The following ZNF678 variants were observed in gnomAD, a reference collection of about 807,000 sequenced individuals.
ZNF678 encodes the protein zinc finger protein 678.
ZNF678 carries 5 observed loss-of-function variants against 3.0 expected under a neutral mutation model. That is an observed-to-expected ratio of 1.69 (90% CI 0.88 to 3.56). The LOEUF (loss-of-function observed/expected upper bound fraction) is 3.56. Ranked by LOEUF, ZNF678 falls within the 30% of genes most tolerant of loss-of-function variation. ZNF678 has a pLI of 0.00. For synonymous variants in ZNF678, 218 were observed against 199.6 expected (o/e 1.09, Z -0.78); for missense variants, 593 against 605.0 (o/e 0.98, Z 0.21).
chr1:227,625,591 C>T (rs1404482422), intron 1 of ZNF678, among the ~76,000 whole-genome samples: 1 of 152,092 alleles, frequency 6.6e-6, no homozygotes, highest in Non-Finnish European at 1.5e-5. Context: ...GCCTGAAGTG[C>T]AGGGGGATGT....
At chr1:227,651,626 A>G (rs1659094844) in intron 3 of ZNF678, among the ~76,000 whole-genome samples, 1 of 152,208 alleles carries the variant, frequency 6.6e-6, no homozygotes, top group Admixed American at 6.5e-5. Context: ...TGTAGCCAAG[A>G]CCAGCGTCCT....
downstream of ZNF678, among the ~76,000 whole-genome samples, chr1:227,664,959 C>T (rs1007707763): frequency 6.6e-6 from 1 of 152,172 alleles, no homozygotes; most frequent in African/African-American, 2.4e-5. Flanking sequence ...TGTGGTGACA[C>T]AGCTGGATCA....
intron 1 of ZNF678, among the ~76,000 whole-genome samples, chr1:227,584,531 T>A (rs1657209924): frequency 6.6e-6 from 1 of 152,254 alleles, no homozygotes; most frequent in Non-Finnish European, 1.5e-5. Flanking sequence ...GAACACTATT[T>A]ACAAATTACA....
intron 1 of ZNF678, among the ~76,000 whole-genome samples, chr1:227,613,704 G>A (rs900587916): frequency 6.6e-6 from 1 of 152,028 alleles, no homozygotes; most frequent in Non-Finnish European, 1.5e-5. Context: ...TCTCATTCAG[G>A]GCCTCATCTT....
chr1:227,602,000 A>G (rs1195546594), intron 1 of ZNF678, among the ~76,000 whole-genome samples: 2 of 152,234 alleles, frequency 1.3e-5, no homozygotes, highest in Non-Finnish European at 2.9e-5. Flanking sequence ...ATATAGAATC[A>G]TATCATCTGC....
chr1:227,679,064 G>T (rs538506159), downstream of ZNF678, among the ~76,000 whole-genome samples: 5 of 151,300 alleles, frequency 3.3e-5, no homozygotes, highest in African/African-American at 1.2e-4. Context: ...ACTACTATTA[G>T]AAACTGAATT....
intron 1 of ZNF678, among the ~76,000 whole-genome samples, chr1:227,605,501 C>A (rs1467893501): frequency 6.6e-6 from 1 of 152,158 alleles, no homozygotes; most frequent in African/African-American, 2.4e-5. Context: ...GAATATTTGT[C>A]TTGTTCCCAA....
intron 1 of ZNF678, among the ~76,000 whole-genome samples, chr1:227,570,280 C>A (rs952856189): frequency 3.3e-5 from 5 of 152,186 alleles, no homozygotes; most frequent in African/African-American, 9.7e-5. Context: ...GTATGATGCC[C>A]TCAGCTTTTT....
chr1:227,631,172 CCCCTA>C (rs1658539823), intron 1 of ZNF678, among the ~76,000 whole-genome samples: 1 of 152,122 alleles, frequency 6.6e-6, no homozygotes, highest in Non-Finnish European at 1.5e-5. Context: ...GATGCCAGTA[CCCCTA>C]GTCATTTTCC....
At chr1:227,569,653 A>G (rs1354645162) in intron 1 of ZNF678, among the ~76,000 whole-genome samples, 4 of 149,700 alleles carry the variant, frequency 2.7e-5, no homozygotes, top group African/African-American at 9.9e-5. Context: ...ATATTCTGCT[A>G]CTTTACTGAA....
intron 1 of ZNF678, among the ~76,000 whole-genome samples, chr1:227,643,060 G>A (rs1050298089): frequency 6.6e-6 from 1 of 151,938 alleles, no homozygotes; most frequent in East Asian, 1.9e-4. Context: ...AGAGAGAGAG[G>A]TGCACAGGGA....
chr1:227,583,439 C>T (rs1375746532), intron 1 of ZNF678, among the ~76,000 whole-genome samples: 4 of 150,418 alleles, frequency 2.7e-5, no homozygotes, highest in Non-Finnish European at 4.4e-5. Context: ...GCAACGTCCA[C>T]CTCCCAGGTT....
chr1:227,620,759 G>T (rs1463353267), intron 1 of ZNF678, among the ~76,000 whole-genome samples: 6 of 152,190 alleles, frequency 3.9e-5, no homozygotes, highest in South Asian at 2.1e-4. Flanking sequence ...GGGCTGTAGG[G>T]TATGAGTAAT....
chr1:227,604,148 A>G (rs930924273), intron 1 of ZNF678, among the ~76,000 whole-genome samples: 64 of 152,160 alleles, frequency 4.2e-4, no homozygotes, highest in African/African-American at 1.5e-3. Flanking sequence ...TGTTCCAGTG[A>G]GTCTTTGTGT....
At chr1:227,577,448 G>A (rs1191288089) in intron 1 of ZNF678, among the ~76,000 whole-genome samples, 1 of 152,188 alleles carries the variant, frequency 6.6e-6, no homozygotes, top group Non-Finnish European at 1.5e-5. Flanking sequence ...ATTTAGGATA[G>A]TTAGATATTC....
chr1:227,655,436 A>G lies in ZNF678; in HGVS notation c.1186A>G (p.Arg396Gly), dbSNP rs369633436. 5.0e-6 allele frequency: 8 copies of G among 1,612,674 alleles called. No individual in the cohort carries two copies. The highest frequency in any genetic ancestry group is 1.7e-4 in the Middle Eastern group (1 of 6,050). Residue 396 changes from arginine to glycine, a missense_variant, in exon 4 of 4, where the codon AGG becomes GGG. By Grantham distance (125) the Arg-to-Gly change is moderately radical (BLOSUM62 -2). Coordinates refer to ENST00000343776, the MANE Select transcript of ZNF678 (RefSeq NM_001367909.1). ...FNKFSSLTQHRRIHTGVKPYK... is the reference protein window; with the variant it reads ...FNKFSSLTQHGRIHTGVKPYK... Reference sequence around the variant, plus strand: ...CAAGTTCTCAAGCCTTACTCAACATAGGAGAATTCATACTGGAGTGAAACC... The same window carrying G: ...CAAGTTCTCAAGCCTTACTCAACATGGGAGAATTCATACTGGAGTGAAACC...
At chr1:227,584,040 A>G (rs1024005947) in intron 1 of ZNF678, among the ~76,000 whole-genome samples, 3 of 152,186 alleles carry the variant, frequency 2.0e-5, no homozygotes, top group Non-Finnish European at 1.5e-5. Context: ...GAATTTTCCA[A>G]GGTTGTGGAG....
At chr1:227,644,321 T>C (rs763323116) in intron 1 of ZNF678, among the ~76,000 whole-genome samples, 1 of 152,224 alleles carries the variant, frequency 6.6e-6, no homozygotes, top group Non-Finnish European at 1.5e-5. Context: ...CCCTGTGTAA[T>C]GCTTTGTAGT....
intron 1 of ZNF678, among the ~76,000 whole-genome samples, chr1:227,632,647 G>A (rs1466647304): frequency 6.6e-6 from 1 of 152,164 alleles, no homozygotes; most frequent in Non-Finnish European, 1.5e-5. Flanking sequence ...CTAACACTGA[G>A]TCTTGAGTCT....
Sources: gnomAD v4.1 joint callset for allele counts (sites outside exome capture counted in the v4.1 genomes callset) on GRCh38, gnomAD v4.1.1 for gene constraint, MANE v1.5 for transcripts, NCBI Gene and HGNC (gene_info 2026-07-23, HGNC 2026-07-21) for gene names.